The following MAG variants were observed in gnomAD, a reference collection of about 807,000 sequenced individuals.
MAG encodes myelin-associated glycoprotein.
A neutral mutation model predicts 60.7 loss-of-function variants in MAG; 30 were observed. That is an observed-to-expected ratio of 0.49 (90% CI 0.37 to 0.67). The LOEUF is 0.67. Among genes scored for constraint, MAG ranks in the 30% least tolerant of loss-of-function variants. MAG has a pLI of 0.00. For synonymous variants in MAG, 384 were observed against 376.8 expected (o/e 1.02, Z -0.22); for missense variants, 795 against 851.7 (o/e 0.93, Z 0.83).
chr19:35,306,199 AC>A (rs923281738), intron 7 of MAG, among the ~76,000 whole-genome samples: 10 of 118,492 alleles, frequency 8.4e-5, no homozygotes, highest in East Asian at 2.6e-4. Context: ...AGACTGTCCC[AC>A]CCCCCCACTC....
intron 7 of MAG, 58 bp from the exon 8 acceptor site, chr19:35,309,816 C>G: frequency 1.3e-6 from 2 of 1,566,502 alleles, no homozygotes; most frequent in East Asian, 4.5e-5. Flanking sequence ...AAGGAGTCTC[C>G]GGGGCCGGGC....
At chr19:35,313,198 A>C (rs1360521507) in intron 10 of MAG, 92 bp from the exon 11 acceptor site, 2 of 1,385,066 alleles carry the variant, frequency 1.4e-6, no homozygotes, top group African/African-American at 2.9e-5. Context: ...TTGGGACTGA[A>C]CTCAGGAGCT....
At chr19:35,299,173 A>G (rs960224469) in intron 4 of MAG, among the ~76,000 whole-genome samples, 2 of 152,230 alleles carry the variant, frequency 1.3e-5, no homozygotes, top group African/African-American at 4.8e-5. Flanking sequence ...CGCTGACGCC[A>G]GAGCCACAGG....
Position 35,313,637 on chromosome 19 carries a change from C to A in MAG, c.*183C>A, listed in dbSNP as rs1337811643. On this transcript the variant is annotated 3_prime_UTR_variant, in exon 11 of 11. Transcript: ENST00000392213. Reference sequence around the variant, plus strand: ...TCCCAGCTGCCCCTCCCTGCCAGCACCCCCACGCCCTCATTACGGCTCCTC... The same window carrying A: ...TCCCAGCTGCCCCTCCCTGCCAGCAACCCCACGCCCTCATTACGGCTCCTC... 3.3e-4 allele frequency: 194 copies of A among 586,844 alleles called. 1 individual carries two copies. Among genetic ancestry groups the A allele is most frequent in the Non-Finnish European group, 4.2e-5 (14 of 331,986 alleles). 36.4% of individuals were successfully genotyped at this position (586,844 alleles called of 1,614,324 possible). A position where few individuals can be genotyped will look rare whatever the true frequency, so the allele number is the denominator to read the frequency against.
intron 1 of MAG, among the ~76,000 whole-genome samples, chr19:35,292,892 G>A (rs960400138): frequency 5.3e-5 from 8 of 151,964 alleles, no homozygotes; most frequent in Non-Finnish European, 1.0e-4. Flanking sequence ...GAGCCACTGC[G>A]CCCGGCCCCA....
intron 7 of MAG, among the ~76,000 whole-genome samples, chr19:35,307,611 T>C (rs543249117): frequency 6.6e-6 from 1 of 152,278 alleles, no homozygotes; most frequent in Non-Finnish European, 1.5e-5. Flanking sequence ...CACTTGAACC[T>C]GGGAGGCAGA....
intron 7 of MAG, among the ~76,000 whole-genome samples, chr19:35,305,141 G>A (rs945372775): frequency 2.0e-5 from 3 of 152,102 alleles, no homozygotes; most frequent in African/African-American, 7.2e-5. Context: ...CAGTGGCCCT[G>A]TCCCCTGCCC....
rs758284902 is a variant in MAG at position 35,312,068 on chromosome 19, G to A, written c.1716+51G>A. 1.9e-6 allele frequency: 3 copies of A among 1,549,828 alleles called. No homozygotes were observed. The African/African-American group carries it at 4.1e-5, about 21-fold the overall frequency. ...TGGGAACCTGGATGCCAGGGACACT[G>A]AAGGCCTGGGAAAGGCCTGTGAGGC... On this transcript the variant is annotated intron_variant, in intron 10 of 10. Transcript: ENST00000392213.
At chr19:35,309,744 T>C (rs746833332) in intron 7 of MAG, 130 bp from the exon 8 acceptor site, 18 of 937,704 alleles carry the variant, frequency 1.9e-5, no homozygotes, top group Non-Finnish European at 2.9e-5. Context: ...GGAGGGGAAA[T>C]TGGAGGGCCC....
intron 1 of MAG, among the ~76,000 whole-genome samples, chr19:35,292,644 G>GGT (rs74172714): frequency 0.21 from 31,084 of 149,970 alleles, 3,498 homozygotes; most frequent in East Asian, 0.37. Flanking sequence ...GCACATAGCA[G>GGT]GTGTGTGTGT....
At chr19:35,310,234 G>T in intron 8 of MAG, 73 bp downstream of exon 8, 1 of 1,511,832 alleles carries the variant, frequency 6.6e-7, no homozygotes, top group South Asian at 1.3e-5. Context: ...TCCCAAGGCT[G>T]ACCAACAGCC....
Position 35,313,626 on chromosome 19 carries a change from C to A in MAG, c.*172C>A. On this transcript the variant is annotated 3_prime_UTR_variant, in exon 11 of 11. Coordinates refer to ENST00000392213, the MANE Select transcript of MAG (RefSeq NM_002361.4). Reference sequence around the variant, plus strand: ...CTCCCCCTCCTTCCCAGCTGCCCCTCCCTGCCAGCACCCCCACGCCCTCAT... The same window carrying A: ...CTCCCCCTCCTTCCCAGCTGCCCCTACCTGCCAGCACCCCCACGCCCTCAT... The A allele has an allele frequency of 3.3e-6, 2 of 610,552 alleles. No homozygotes were observed. Among genetic ancestry groups the A allele is most frequent in the Non-Finnish European group, 5.7e-6 (2 of 351,794 alleles). The allele number at this position is 610,552 out of a possible 1,614,324, so 37.8% of individuals were successfully genotyped here.
chr19:35,293,309 A>G lies in MAG; in HGVS notation c.-79-926A>G, dbSNP rs1279638175. Among the ~76,000 whole-genome samples the G allele has an allele frequency of 6.6e-6, 1 of 150,964 alleles. No homozygotes were observed. The highest frequency in any genetic ancestry group is 1.5e-5 in the Non-Finnish European group (1 of 67,814). On this transcript the variant is annotated intron_variant, in intron 1 of 10. Coordinates refer to ENST00000392213, the MANE Select transcript of MAG (RefSeq NM_002361.4). The surrounding 1 kb of genome is among the most constrained non-coding windows in gnomAD (Gnocchi z 4.0). Reference sequence around the variant, plus strand: ...TGTGTGTGTGTGTGTGCTGAATGCCAGGGCTGTGTCTGTCCAGGTGTGTGT... The same window carrying G: ...TGTGTGTGTGTGTGTGCTGAATGCCGGGGCTGTGTCTGTCCAGGTGTGTGT...
chr19:35,294,828 T>C (rs1485608300), intron 2 of MAG, among the ~76,000 whole-genome samples: 1 of 152,226 alleles, frequency 6.6e-6, no homozygotes, highest in East Asian at 1.9e-4. Flanking sequence ...GGTGTGTACC[T>C]GAGGTCCCAG....
At chr19:35,309,537 C>T (rs1005608643) in intron 7 of MAG, among the ~76,000 whole-genome samples, 9 of 152,140 alleles carry the variant, frequency 5.9e-5, no homozygotes, top group African/African-American at 9.7e-5. Flanking sequence ...TCTTCGGCCT[C>T]GCAAAGTGCT....
intron 4 of MAG, among the ~76,000 whole-genome samples, chr19:35,297,054 A>G (rs1168802798): frequency 6.6e-6 from 1 of 150,824 alleles, no homozygotes; most frequent in Admixed American, 6.6e-5. Flanking sequence ...GAAATCAGGC[A>G]GTGTGCCCTA....
chr19:35,312,007 A>G lies in MAG; in HGVS notation c.1706A>G (p.Glu569Gly). The G allele has an allele frequency of 6.2e-7, 1 of 1,612,524 alleles. No individual in the cohort carries two copies. The highest frequency in any genetic ancestry group is 8.5e-7 in the Non-Finnish European group (1 of 1,179,266). The change falls in exon 10 of 11, where the codon GAG (glutamate) becomes GGG (glycine). Residue 569 changes from glutamate (E) to glycine (G), a missense_variant. Physicochemically the swap from Glu to Gly is moderately conservative, Grantham distance 98. Coordinates refer to ENST00000392213, the MANE Select transcript of MAG (RefSeq NM_002361.4). ...SSDFRISGAP[E>G]KYESERRLGS... ...GACTTCCGCATCTCTGGGGCACCAGAGAAGTACGAGGTAAGGACCAGGCTC... is the reference window on the plus strand; with the variant it reads ...GACTTCCGCATCTCTGGGGCACCAGGGAAGTACGAGGTAAGGACCAGGCTC...
At chr19:35,308,219 T>G (rs185467294) in intron 7 of MAG, among the ~76,000 whole-genome samples, 1 of 152,064 alleles carries the variant, frequency 6.6e-6, no homozygotes, top group Admixed American at 6.6e-5. Flanking sequence ...AGACGCCGCA[T>G]GGGTAGAGGC....
intron 7 of MAG, among the ~76,000 whole-genome samples, chr19:35,309,333 AAGGG>A (rs2066507582): frequency 6.6e-6 from 1 of 152,114 alleles, no homozygotes; most frequent in Admixed American, 6.5e-5. Flanking sequence ...CGGCGAGAGA[AAGGG>A]AGGGTCTACC....
Sources: gnomAD v4.1 joint callset for allele counts (sites outside exome capture counted in the v4.1 genomes callset) on GRCh38, gnomAD v4.1.1 for gene constraint, Gnocchi (gnomAD v3.1) non-coding constraint, MANE v1.5 for transcripts, NCBI Gene and HGNC (gene_info 2026-07-23, HGNC 2026-07-21) for gene names.